Variants in FREM1 observed in about 807,000 individuals in gnomAD.
FREM1 encodes FRAS1-related extracellular matrix protein 1.
In FREM1, 220 loss-of-function variants were observed where a neutral mutation model predicts 210.1. The ratio of observed to expected loss-of-function variants is 1.05; its 90% confidence interval spans 0.94 to 1.17. The LOEUF (loss-of-function observed/expected upper bound fraction) is 1.17, where lower values mean the gene tolerates loss of function less well. FREM1 is among the 50% of genes most tolerant of loss of function. The probability of loss-of-function intolerance (pLI) is 0.00; values close to 1 mark genes in which losing one functional copy is unlikely to be tolerated. For synonymous variants in FREM1, 1,189 were observed against 980.2 expected (o/e 1.21, Z -3.98); for missense variants, 3,454 against 2,675.5 (o/e 1.29, Z -6.42).
chr9:14,760,894 T>C (rs1180079876), intron 27 of FREM1, among the ~76,000 whole-genome samples: 1 of 58,742 alleles, frequency 1.7e-5, no homozygotes, highest in African/African-American at 6.5e-5. Flanking sequence ...TAGAGCAGGA[T>C]AAAAGACACA....
At chr9:14,765,378 G>A (rs1846210285) in intron 27 of FREM1, among the ~76,000 whole-genome samples, 1 of 152,164 alleles carries the variant, frequency 6.6e-6, no homozygotes, top group South Asian at 2.1e-4. Flanking sequence ...TTTAGTGTGT[G>A]ATTACGGTCA....
At chr9:14,797,454 G>GA (rs1563951004) in intron 21 of FREM1, 44 bp downstream of exon 21, 1 of 1,519,698 alleles carries the variant, frequency 6.6e-7, no homozygotes, top group Non-Finnish European at 8.9e-7. Context: ...AGATTTCATA[G>GA]AATTGTATAG....
intron 28 of FREM1, among the ~76,000 whole-genome samples, chr9:14,756,677 T>C (rs1844437705): frequency 6.6e-6 from 1 of 152,214 alleles, no homozygotes; most frequent in Admixed American, 6.5e-5. Context: ...TTTTGTTTTG[T>C]TTGGTTTTTC....
In FREM1 at chr9:14,824,881, G is replaced by C; in HGVS notation, c.1993C>G (p.Gln665Glu). ...ETEVAYITKK[Q>E]LHFIDSESYD... ...GATTCTGAATCTATAAAATGTAGCT[G>C]TTTCTTAGTTATATAGGCCACCTCA... The change falls in exon 11 of 37, where the codon CAG (glutamine) becomes GAG (glutamate). Residue 665 changes from glutamine to glutamate, a missense_variant. Physicochemically the swap from Gln to Glu is conservative, Grantham distance 29. Transcript: ENST00000380880. 2.5e-6 allele frequency: 4 copies of C among 1,613,316 alleles called. No individual in the cohort carries two copies. The highest frequency in any genetic ancestry group is 1.1e-5 in the South Asian group (1 of 90,978).
At chr9:14,863,734 T>C (rs1046238205) in intron 3 of FREM1, 75 bp downstream of exon 3, 11 of 845,556 alleles carry the variant, frequency 1.3e-5, no homozygotes, top group Non-Finnish European at 2.2e-5. Context: ...ACAATACATA[T>C]CCACAAGAAA....
chr9:14,770,526 C>T (rs1847344686), intron 26 of FREM1, 79 bp downstream of exon 26: 1 of 1,086,646 alleles, frequency 9.2e-7, no homozygotes. Flanking sequence ...TGGGCCTGCA[C>T]TTAATTAAAT....
At chr9:14,835,994 G>A (rs777619816) in intron 10 of FREM1, among the ~76,000 whole-genome samples, 3 of 152,184 alleles carry the variant, frequency 2.0e-5, no homozygotes, top group African/African-American at 7.2e-5. Context: ...GACGGGTAAC[G>A]TCAAAATGTG....
intron 1 of FREM1, among the ~76,000 whole-genome samples, chr9:14,903,644 C>G (rs1360026982): frequency 6.6e-6 from 1 of 152,150 alleles, no homozygotes; most frequent in Non-Finnish European, 1.5e-5. Flanking sequence ...GTTATCACAT[C>G]CTACCTGGTA....
chr9:14,842,278 G>A (rs933964619), intron 9 of FREM1, 38 bp downstream of exon 9: 2 of 1,294,990 alleles, frequency 1.5e-6, no homozygotes, highest in Middle Eastern at 2.0e-4. Context: ...ATGGAAGAGT[G>A]AATTCCATTC....
intron 13 of FREM1, 73 bp downstream of exon 13, chr9:14,823,087 C>A (rs996180840): frequency 4.4e-6 from 5 of 1,134,546 alleles, no homozygotes; most frequent in South Asian, 2.2e-5. Flanking sequence ...GGAAAGTTAC[C>A]ATTTCTAGTA....
intron 1 of FREM1, among the ~76,000 whole-genome samples, chr9:14,907,696 A>T (rs1818019029): frequency 1.3e-5 from 2 of 152,320 alleles, no homozygotes; most frequent in East Asian, 3.9e-4. Context: ...TTTGTGAGAG[A>T]AAAAAATACA....
rs1269346343 is a variant in FREM1, at chr9:14,737,674, C to T, written c.6341-79G>A. 6 of 1,185,998 alleles carry T rather than the reference C, an allele frequency of 5.1e-6. No homozygotes were observed. In the African/African-American group the frequency reaches 6.2e-5, roughly 12 times the overall value. 73.5% of individuals were successfully genotyped at this position (1,185,998 alleles called of 1,614,324 possible). The stretch of plus-strand genomic sequence containing the variant: ...TATCATATCCAGCTGTTGCTCTAAG[C>T]TCAGTTATCACATGCAAGTGTGGGC... On this transcript the variant is annotated intron_variant, in intron 36 of 36. Transcript: ENST00000380880.
intron 17 of FREM1, among the ~76,000 whole-genome samples, chr9:14,807,202 G>C (rs984119694): frequency 3.3e-5 from 5 of 152,142 alleles, no homozygotes; most frequent in Admixed American, 2.6e-4. Flanking sequence ...AGTAAGAATT[G>C]CCCAACTGTT....
At chr9:14,750,382 G>T in intron 29 of FREM1, 106 bp from the exon 30 acceptor site, 4 of 827,434 alleles carry the variant, frequency 4.8e-6, no homozygotes, top group Non-Finnish European at 5.6e-6. Context: ...GCAGTAGCCC[G>T]AGTGAGCTAT....
In FREM1 at chr9:14,866,943, T is replaced by G. The variant is rs150731648; in HGVS notation, c.234+1801A>C. Among the ~76,000 whole-genome samples the G allele has an allele frequency of 3.0e-3, 451 of 152,156 alleles. 4 individuals carry two copies. The highest frequency in any genetic ancestry group is 0.019 in the Admixed American group (292 of 15,290). On this transcript the variant is annotated intron_variant, in intron 2 of 36. Coordinates refer to ENST00000380880, the MANE Select transcript of FREM1 (RefSeq NM_001379081.2). ...GGCACTATCTTGGCTCACTGCAACT[T>G]CCGCCTCCCGGGTTCAAGCGATTCT...
chr9:14,751,489 A>G (rs1843379702), intron 29 of FREM1, among the ~76,000 whole-genome samples: 1 of 152,030 alleles, frequency 6.6e-6, no homozygotes, highest in African/African-American at 2.4e-5. Context: ...TCTCTACAAT[A>G]AAACAAAAAC....
intron 25 of FREM1, among the ~76,000 whole-genome samples, chr9:14,774,920 T>C (rs1275945424): frequency 6.6e-6 from 1 of 152,184 alleles, no homozygotes; most frequent in Non-Finnish European, 1.5e-5. Context: ...CAAAACTTGC[T>C]TCATATGAGT....
At chr9:14,750,049 C>A in intron 30 of FREM1, 78 bp downstream of exon 30, 1 of 1,436,068 alleles carries the variant, frequency 7.0e-7, no homozygotes, top group Non-Finnish European at 9.6e-7. Context: ...AAGGTGTTAT[C>A]AAGCACGTTG....
chr9:14,833,297 T>G (rs1420988909), intron 10 of FREM1, among the ~76,000 whole-genome samples: 1 of 152,218 alleles, frequency 6.6e-6, no homozygotes. Flanking sequence ...GTGGCTAGTT[T>G]CTTGGTCTTC....
Sources: allele counts gnomAD v4.1 joint callset (sites outside exome capture counted in the v4.1 genomes callset), GRCh38; gene constraint gnomAD v4.1.1; transcripts MANE v1.5; gene names NCBI Gene and HGNC (gene_info 2026-07-23, HGNC 2026-07-21).